Variants in COX7B2 observed in about 807,000 individuals in gnomAD.
COX7B2 encodes cytochrome c oxidase subunit 7B2.
For missense variants in COX7B2, 109 were observed against 95.9 expected (o/e 1.14, Z -0.57); for synonymous variants, 37 against 32.1 (o/e 1.15, Z -0.51).
intron 2 of COX7B2, among the ~76,000 whole-genome samples, chr4:46,810,059 G>T (rs1282985375): frequency 1.3e-5 from 2 of 151,922 alleles, no homozygotes; most frequent in African/African-American, 4.8e-5. Flanking sequence ...AGCCACTGCT[G>T]CTTTCTTTGA....
chr4:46,839,565 C>G (rs1715785199), intron 2 of COX7B2, among the ~76,000 whole-genome samples: 1 of 151,988 alleles, frequency 6.6e-6, no homozygotes, highest in Non-Finnish European at 1.5e-5. Context: ...TTAGTCCTGT[C>G]CAGGCTGCCA....
Position 46,734,923 on chromosome 4 carries a change from C to A in COX7B2, c.*24G>T. The A allele has an allele frequency of 6.2e-7, 1 of 1,613,514 alleles. No homozygotes were observed. Among genetic ancestry groups the A allele is most frequent in the South Asian group, 1.1e-5 (1 of 90,960 alleles). ...TGACAAGTTGGTTTTTTAAACAATTCTGTCATTACAGCAACTGTGATGGTT... is the reference window on the plus strand; with the variant it reads ...TGACAAGTTGGTTTTTTAAACAATTATGTCATTACAGCAACTGTGATGGTT... On this transcript the variant is annotated 3_prime_UTR_variant, in exon 3 of 3. Coordinates refer to ENST00000355591, the MANE Select transcript of COX7B2 (RefSeq NM_130902.3).
At chr4:46,769,636 A>G (rs1229390204) in intron 2 of COX7B2, among the ~76,000 whole-genome samples, 1 of 152,128 alleles carries the variant, frequency 6.6e-6, no homozygotes, top group Non-Finnish European at 1.5e-5. Context: ...GAATCACCTG[A>G]GCCTGGGAGG....
intron 1 of COX7B2, among the ~76,000 whole-genome samples, chr4:46,878,708 T>C (rs1718509614): frequency 6.6e-6 from 1 of 152,166 alleles, no homozygotes; most frequent in Non-Finnish European, 1.5e-5. Context: ...CCTCAATATT[T>C]GGTTTCTACC....
intron 1 of COX7B2, among the ~76,000 whole-genome samples, chr4:46,892,691 A>T (rs1225032075): frequency 6.6e-6 from 1 of 152,290 alleles, no homozygotes; most frequent in African/African-American, 2.4e-5. Flanking sequence ...ATCTTCAGAA[A>T]ATAAGGAGTG....
intron 2 of COX7B2, among the ~76,000 whole-genome samples, chr4:46,808,068 TG>T (rs1719095785): frequency 6.6e-6 from 1 of 151,898 alleles, no homozygotes; most frequent in Admixed American, 6.6e-5. Flanking sequence ...AGAACATTAT[TG>T]GAATTTTGAT....
chr4:46,790,758 A>G (rs1342134519), intron 2 of COX7B2, among the ~76,000 whole-genome samples: 2 of 152,228 alleles, frequency 1.3e-5, no homozygotes, highest in African/African-American at 2.4e-5. Context: ...GTAAAATACT[A>G]CTGGATAAAC....
In COX7B2 at chr4:46,744,738, AT is replaced by A. The variant is rs773481406; in HGVS notation, c.-49-9498del. 8.2e-3 allele frequency among the ~76,000 whole-genome samples: 1,021 copies of A among 124,648 alleles called. 2 individuals are homozygous for A. The highest frequency in any genetic ancestry group is 0.014 in the African/African-American group (489 of 34,888). The allele number at this position is 124,648 out of a possible 152,430, so 81.8% of individuals were successfully genotyped here. A position where few individuals can be genotyped will look rare whatever the true frequency, so the allele number is the denominator to read the frequency against. ...ACTTTTAGATATCAAAGATATTTTA[AT>A]TTTTTTTTTTTTTTTTTTTGGGAGA... is the stretch of plus-strand genomic sequence containing the variant. On this transcript the variant is annotated intron_variant, in intron 2 of 2. Transcript: ENST00000355591.
intron 2 of COX7B2, among the ~76,000 whole-genome samples, chr4:46,816,646 AT>A (rs975232170): frequency 7.2e-5 from 11 of 151,864 alleles, no homozygotes; most frequent in Non-Finnish European, 1.5e-4. Flanking sequence ...ATTTAATGTC[AT>A]TTTTTTTGCA....
At chr4:46,856,053 T>G (rs897093673) in intron 1 of COX7B2, among the ~76,000 whole-genome samples, 1 of 151,908 alleles carries the variant, frequency 6.6e-6, no homozygotes, top group Non-Finnish European at 1.5e-5. Context: ...AGATCAGCTT[T>G]GCCAACATAA....
At chr4:46,750,793 A>G (rs1358839627) in intron 2 of COX7B2, among the ~76,000 whole-genome samples, 1 of 152,194 alleles carries the variant, frequency 6.6e-6, no homozygotes, top group Non-Finnish European at 1.5e-5. Flanking sequence ...CCAGATGGCC[A>G]GCTTCTCGTC....
chr4:46,893,919 C>A (rs1223914633), intron 1 of COX7B2, among the ~76,000 whole-genome samples: 1 of 151,996 alleles, frequency 6.6e-6, no homozygotes. Flanking sequence ...TCAGAACTGA[C>A]ACAAAAAGAA....
At chr4:46,779,679 A>C (rs1261882852) in intron 2 of COX7B2, among the ~76,000 whole-genome samples, 1 of 151,894 alleles carries the variant, frequency 6.6e-6, no homozygotes, top group African/African-American at 2.4e-5. Flanking sequence ...CCACACCCTC[A>C]CCAACACTCG....
At chr4:46,848,311 T>C (rs1177934716) in intron 1 of COX7B2, among the ~76,000 whole-genome samples, 1 of 152,088 alleles carries the variant, frequency 6.6e-6, no homozygotes, top group African/African-American at 2.4e-5. Flanking sequence ...TAAGACATGC[T>C]TGGATTGGCT....
intron 2 of COX7B2, among the ~76,000 whole-genome samples, chr4:46,792,309 T>C (rs1718091024): frequency 6.6e-6 from 1 of 152,222 alleles, no homozygotes; most frequent in African/African-American, 2.4e-5. Context: ...GGCAATGGGA[T>C]GCCCAGATAT....
At chr4:46,778,091 CACAAAG>C (rs1196943074) in intron 2 of COX7B2, among the ~76,000 whole-genome samples, 3 of 152,048 alleles carry the variant, frequency 2.0e-5, no homozygotes, top group African/African-American at 4.8e-5. Flanking sequence ...TCCTTACCTT[CACAAAG>C]ACAAAGAGCA....
At chr4:46,750,195 TACACACACACACACACACACACACAC>T (rs58139781) in intron 2 of COX7B2, among the ~76,000 whole-genome samples, 1 of 113,856 alleles carries the variant, frequency 8.8e-6, no homozygotes, top group African/African-American at 3.4e-5. Flanking sequence ...ATCCCATCTC[TACACACACACACACACACACACACAC>T]ACACACACAC....
At chr4:46,791,543 C>T (rs544122863) in intron 2 of COX7B2, among the ~76,000 whole-genome samples, 2 of 152,274 alleles carry the variant, frequency 1.3e-5, no homozygotes, top group South Asian at 2.1e-4. Flanking sequence ...GAACTAAATG[C>T]TCCCATCCTT....
intron 2 of COX7B2, among the ~76,000 whole-genome samples, chr4:46,839,393 CCTT>C (rs1560413175): frequency 6.6e-6 from 1 of 152,006 alleles, no homozygotes; most frequent in Non-Finnish European, 1.5e-5. Context: ...CCCAGCCCCT[CCTT>C]CTCCACAGAT....
Sources: allele counts gnomAD v4.1 joint callset (sites outside exome capture counted in the v4.1 genomes callset), GRCh38; gene constraint gnomAD v4.1.1; transcripts MANE v1.5; gene names NCBI Gene and HGNC (gene_info 2026-07-23, HGNC 2026-07-21).